The following GRM5 variants were observed in gnomAD, a reference collection of about 807,000 sequenced individuals.
GRM5 encodes the protein metabotropic glutamate receptor 5.
GRM5 carries 19 observed loss-of-function variants against 83.1 expected under a neutral mutation model. That is an observed-to-expected ratio of 0.23 (90% CI 0.16 to 0.34). The LOEUF (loss-of-function observed/expected upper bound fraction) is 0.34. Among genes scored for constraint, GRM5 ranks in the 10% least tolerant of loss-of-function variants. The probability of loss-of-function intolerance (pLI) is 1.00; values close to 1 mark genes in which losing one functional copy is unlikely to be tolerated. For synonymous variants in GRM5, 675 were observed against 633.6 expected (o/e 1.07, Z -0.98); for missense variants, 1,160 against 1,588.3 (o/e 0.73, Z 4.58).
chr11:88,955,222 TAA>T (rs1204886086), intron 2 of GRM5, among the ~76,000 whole-genome samples: 3 of 152,194 alleles, frequency 2.0e-5, no homozygotes, highest in African/African-American at 7.2e-5. Flanking sequence ...TCTTCAAGAA[TAA>T]AAAGAGCTGG....
intron 3 of GRM5, among the ~76,000 whole-genome samples, chr11:88,674,883 TTAAA>T (rs1332219616): frequency 6.6e-6 from 1 of 151,966 alleles, no homozygotes; most frequent in Non-Finnish European, 1.5e-5. Context: ...CTCTTTGTCT[TTAAA>T]TAAAGTCCAA....
At chr11:88,776,873 T>C (rs1942864530) in intron 3 of GRM5, among the ~76,000 whole-genome samples, 1 of 152,200 alleles carries the variant, frequency 6.6e-6, no homozygotes, top group Non-Finnish European at 1.5e-5. Context: ...CCCTTAACAC[T>C]TTTTCCTTCA....
At chr11:88,646,203 A>C (rs1240850985) in intron 4 of GRM5, among the ~76,000 whole-genome samples, 1 of 152,078 alleles carries the variant, frequency 6.6e-6, no homozygotes, top group Non-Finnish European at 1.5e-5. Flanking sequence ...TAAAAAATAG[A>C]ATAGCATAGT....
chr11:88,987,494 G>A (rs1458839060), intron 2 of GRM5, among the ~76,000 whole-genome samples: 3 of 151,952 alleles, frequency 2.0e-5, no homozygotes, highest in Non-Finnish European at 2.9e-5. Context: ...AGCTCGAACT[G>A]GGTGGAGCCC....
intron 2 of GRM5, among the ~76,000 whole-genome samples, chr11:88,900,852 T>C (rs1445651366): frequency 1.3e-5 from 2 of 152,136 alleles, no homozygotes; most frequent in African/African-American, 4.8e-5. Context: ...CCAGTCTTGT[T>C]TGGGATGGTT....
chr11:89,047,698 C>A lies in GRM5; in HGVS notation c.175G>T (p.Ala59Ser). The A allele has an allele frequency of 3.1e-6, 5 of 1,614,050 alleles. No homozygotes were observed. The highest frequency in any genetic ancestry group is 4.2e-6 in the Non-Finnish European group (5 of 1,179,984). ...VDKVHERKCGAVREQYGIQRV... is the reference protein window; with the variant it reads ...VDKVHERKCGSVREQYGIQRV... Reference sequence around the variant, plus strand: ...TGAATGCCATACTGTTCACGGACCGCCCCACACTTCCTCTCATGAACTTTG... The same window carrying A: ...TGAATGCCATACTGTTCACGGACCGACCCACACTTCCTCTCATGAACTTTG... The change falls in exon 2 of 10, where the codon GCG (alanine) becomes TCG (serine). Residue 59 changes from alanine to serine, a missense_variant. Physicochemically the swap from Ala to Ser is moderately conservative, Grantham distance 99 (BLOSUM62 1). Around this residue, in one of 9 missense-constraint regions of GRM5, gnomAD observed 71 missense variants for 145.8 expected, o/e 0.49. Transcript: ENST00000305447. The surrounding 1 kb of genome is among the most constrained non-coding windows in gnomAD (Gnocchi z 5.1).
At chr11:88,626,922 A>G (rs1423822247) in intron 4 of GRM5, among the ~76,000 whole-genome samples, 1 of 152,094 alleles carries the variant, frequency 6.6e-6, no homozygotes, top group Non-Finnish European at 1.5e-5. Context: ...CTTCACCAGA[A>G]CCCAACTATG....
chr11:88,651,904 A>G (rs546767951), intron 4 of GRM5, among the ~76,000 whole-genome samples: 11 of 152,196 alleles, frequency 7.2e-5, no homozygotes, highest in Admixed American at 7.2e-4. Flanking sequence ...TCCCAAAAGA[A>G]CAAACTGATA....
chr11:88,652,535 C>CT (rs960174425), intron 4 of GRM5, among the ~76,000 whole-genome samples: 2 of 151,970 alleles, frequency 1.3e-5, no homozygotes, highest in African/African-American at 4.8e-5. Context: ...GATAGTAAAC[C>CT]TTTGAGGGCA....
intron 2 of GRM5, among the ~76,000 whole-genome samples, chr11:88,985,996 T>C (rs554611081): frequency 1.8e-4 from 28 of 152,260 alleles, no homozygotes; most frequent in Admixed American, 1.6e-3. Context: ...TCCACCACTA[T>C]ACAACCCACC....
At chr11:88,716,690 A>T (rs551108368) in intron 3 of GRM5, among the ~76,000 whole-genome samples, 1 of 152,060 alleles carries the variant, frequency 6.6e-6, no homozygotes, top group African/African-American at 2.4e-5. Context: ...GCTTAAATTT[A>T]CCCACTGAGG....
At chr11:88,713,871 A>C (rs1006692328) in intron 3 of GRM5, among the ~76,000 whole-genome samples, 1 of 151,990 alleles carries the variant, frequency 6.6e-6, no homozygotes, top group Non-Finnish European at 1.5e-5. Flanking sequence ...ATTGTTCTTC[A>C]TGAAATTAAG....
At position 88,661,610 on chromosome 11, in the gene GRM5, G is replaced by A. The variant is rs140293607; in HGVS notation, c.912-8207C>T. ...AAAAATTCTAATAGTGGGAGTCTAC[G>A]GACTACTTGGCTGTTTTCACATAAT... is the stretch of plus-strand genomic sequence containing the variant. On this transcript the variant is annotated intron_variant, in intron 3 of 9. Coordinates refer to ENST00000305447, the MANE Select transcript of GRM5 (RefSeq NM_001143831.3). Among the ~76,000 whole-genome samples the A allele has an allele frequency of 9.7e-3, 1,481 of 152,128 alleles. 30 individuals are homozygous for A. Among genetic ancestry groups the A allele is most frequent in the African/African-American group, 0.034 (1,399 of 41,520 alleles).
chr11:89,005,831 T>C (rs899613418), intron 2 of GRM5, among the ~76,000 whole-genome samples: 1 of 152,196 alleles, frequency 6.6e-6, no homozygotes, highest in Non-Finnish European at 1.5e-5. Context: ...TTAATTTAAA[T>C]TTTGTTGCTC....
At chr11:88,953,211 AAGG>A (rs1203454300) in intron 2 of GRM5, among the ~76,000 whole-genome samples, 3 of 152,242 alleles carry the variant, frequency 2.0e-5, no homozygotes, top group Non-Finnish European at 4.4e-5. Context: ...AGGAAAGAGA[AAGG>A]ATCAAGACAC....
chr11:88,981,871 C>A (rs374726680), intron 2 of GRM5, among the ~76,000 whole-genome samples: 13 of 152,134 alleles, frequency 8.5e-5, no homozygotes, highest in African/African-American at 2.4e-4. Context: ...AAATTGCCTA[C>A]AGGAGAAATT....
intron 3 of GRM5, among the ~76,000 whole-genome samples, chr11:88,809,550 A>G (rs1297631312): frequency 1.3e-5 from 2 of 152,114 alleles, no homozygotes; most frequent in Non-Finnish European, 2.9e-5. Context: ...GGCATGATTA[A>G]CTTTGCTATA....
At chr11:88,856,194 C>T (rs1019086157) in intron 2 of GRM5, among the ~76,000 whole-genome samples, 3 of 152,056 alleles carry the variant, frequency 2.0e-5, no homozygotes, top group Admixed American at 1.3e-4. Context: ...TATCCTGTTG[C>T]TACTGTAAAC....
At chr11:88,792,305 G>T (rs1943189584) in intron 3 of GRM5, among the ~76,000 whole-genome samples, 1 of 152,068 alleles carries the variant, frequency 6.6e-6, no homozygotes, top group Non-Finnish European at 1.5e-5. Flanking sequence ...GGCAATATCA[G>T]TTATGAGGAA....
Sources: gnomAD v4.1 joint callset for allele counts (sites outside exome capture counted in the v4.1 genomes callset) on GRCh38, gnomAD v4.1.1 for gene constraint, gnomAD v4.1.1 regional missense constraint, Gnocchi (gnomAD v3.1) non-coding constraint, MANE v1.5 for transcripts, NCBI Gene and HGNC (gene_info 2026-07-23, HGNC 2026-07-21) for gene names.